Variants in SPHKAP observed in about 807,000 individuals in gnomAD.
The protein encoded by SPHKAP is A-kinase anchor protein SPHKAP.
Under a neutral mutation model 137.5 loss-of-function variants are expected in SPHKAP, and 67 were observed. That is an observed-to-expected ratio of 0.49 (90% CI 0.40 to 0.60). The LOEUF (loss-of-function observed/expected upper bound fraction) is 0.60, where lower values mean the gene tolerates loss of function less well. Among genes scored for constraint, SPHKAP ranks in the 20% least tolerant of loss-of-function variants. The pLI is 0.00. For synonymous variants in SPHKAP, 813 were observed against 785.3 expected (o/e 1.04, Z -0.59); for missense variants, 2,097 against 2,069.3 (o/e 1.01, Z -0.26).
chr2:228,085,508 A>G (rs1036425854), intron 3 of SPHKAP, among the ~76,000 whole-genome samples: 12 of 152,198 alleles, frequency 7.9e-5, no homozygotes, highest in African/African-American at 2.9e-4. Flanking sequence ...GAATGACTCA[A>G]TTTTAGCTAT....
chr2:228,075,066 T>TGGACAG lies in SPHKAP; in HGVS notation c.246+33765_246+33766insCTGTCC, dbSNP rs1574826338. Among the ~76,000 whole-genome samples the TGGACAG allele has an allele frequency of 4.6e-5, 7 of 152,250 alleles. No individual in the cohort carries two copies. The East Asian group carries it at 1.3e-3, about 29-fold the overall frequency. On this transcript the variant is annotated intron_variant, in intron 3 of 11. Coordinates refer to ENST00000392056, the MANE Select transcript of SPHKAP (RefSeq NM_001142644.2). Reference sequence around the variant, plus strand: ...GGTTCTGAAAGGGCAGAGGGTATGTTTAGCTTAGTCACCATGGTAGCTCCA... The same window carrying TGGACAG: ...GGTTCTGAAAGGGCAGAGGGTATGTTGGACAGTAGCTTAGTCACCATGGTAGCTCCA...
intron 2 of SPHKAP, among the ~76,000 whole-genome samples, chr2:228,122,048 CT>C (rs1425814458): frequency 2.0e-5 from 3 of 151,194 alleles, no homozygotes; most frequent in South Asian, 2.1e-4. Flanking sequence ...GTTGGCTAGT[CT>C]TTTTTTTTAA....
intron 3 of SPHKAP, among the ~76,000 whole-genome samples, chr2:228,045,528 C>T (rs1696009311): frequency 2.0e-5 from 3 of 151,706 alleles, no homozygotes. Flanking sequence ...TGTTCTCACT[C>T]ATAGGTGGGA....
Position 228,018,844 on chromosome 2 carries a change from G to A in SPHKAP, c.2010C>T (p.Thr670=), listed in dbSNP as rs780707064. 1.9e-5 allele frequency: 30 copies of A among 1,614,048 alleles called. No homozygotes were observed. In the East Asian group the frequency reaches 6.7e-4, roughly 36 times the overall value. Residue 670 remains threonine, a synonymous_variant, in exon 7 of 12, where the codon ACC becomes ACT. Coordinates refer to ENST00000392056, the MANE Select transcript of SPHKAP (RefSeq NM_001142644.2). ...ENVVRNELAH[T]LSNVILRHSI... ...AATGCCTCAGGATAACATTGGACAG[G>A]GTATGTGCCAGTTCATTCCTGACGA...
Position 227,991,176 on chromosome 2 carries a change from A to T in SPHKAP, c.4783T>A (p.Ser1595Thr). The T allele has an allele frequency of 6.2e-7, 1 of 1,614,070 alleles. No homozygotes were observed. Among genetic ancestry groups the T allele is most frequent in the Non-Finnish European group, 8.5e-7 (1 of 1,180,000 alleles). Reference protein sequence around the residue: ...GQSESTEAPASGPPTGTASPQ... With the variant: ...GQSESTEAPATGPPTGTASPQ... The stretch of plus-strand genomic sequence containing the variant: ...CTGGCTGTTCCCGTAGGCGGTCCAG[A>T]TGCAGGTGCTGAGAACAGACACAAC... Residue 1595 changes from serine (S) to threonine (T), a missense_variant, in exon 11 of 12, where the codon TCT becomes ACT. Coordinates refer to ENST00000392056, the MANE Select transcript of SPHKAP (RefSeq NM_001142644.2).
intron 2 of SPHKAP, chr2:228,131,393 G>T: frequency 1.3e-6 from 1 of 755,860 alleles, no homozygotes; most frequent in Non-Finnish European, 1.6e-6. Context: ...AAGTTTTGGG[G>T]CCTTAGATTT....
chr2:228,030,329 C>T (rs909464916), intron 3 of SPHKAP, among the ~76,000 whole-genome samples: 18 of 151,928 alleles, frequency 1.2e-4, no homozygotes, highest in East Asian at 3.9e-4. Context: ...TCCTGGCCAA[C>T]GTGGTGAAAC....
In SPHKAP at chr2:228,132,046, CG is replaced by C; in HGVS notation, c.71del (p.Pro24ArgfsTer50). ...AGCTGCCACAGCCTCTGCCCTGCTG[CG>C]GTTCCAAAACGTCATACATCCGTGA... Reference protein sequence around the residue: ...ESSRMYDVLEPQQGRGCGSSG... With the variant: ...ESSRMYDVLEXQQGRGCGSSG... On this transcript the variant is annotated frameshift_variant, in exon 2 of 12. Transcript: ENST00000392056. LOFTEE classifies it high-confidence loss of function. 1 of 1,614,038 alleles carries C rather than the reference CG, an allele frequency of 6.2e-7. No homozygotes were observed.
intron 1 of SPHKAP, among the ~76,000 whole-genome samples, chr2:228,179,584 G>A (rs527987210): frequency 5.3e-5 from 8 of 152,178 alleles, no homozygotes; most frequent in South Asian, 2.1e-4. Flanking sequence ...GATTAAGAAG[G>A]CTAATAAAAT....
At chr2:228,071,581 G>T (rs1697006561) in intron 3 of SPHKAP, among the ~76,000 whole-genome samples, 1 of 151,990 alleles carries the variant, frequency 6.6e-6, no homozygotes, top group Admixed American at 6.6e-5. Flanking sequence ...TCTTGTAAAA[G>T]TTGCATTTTC....
At chr2:228,006,069 G>A (rs541096640) in intron 7 of SPHKAP, among the ~76,000 whole-genome samples, 3 of 152,108 alleles carry the variant, frequency 2.0e-5, no homozygotes, top group Non-Finnish European at 4.4e-5. Context: ...TGTATTTCCT[G>A]AATTTGAATG....
At chr2:227,996,097 G>A (rs763374043) in intron 7 of SPHKAP, 70 of 983,138 alleles carry the variant, frequency 7.1e-5, no homozygotes, top group Non-Finnish European at 8.3e-5. Flanking sequence ...ATCACTCCTG[G>A]TTGATTCTAA....
chr2:228,164,419 C>T (rs1156520386), intron 1 of SPHKAP, among the ~76,000 whole-genome samples: 1 of 152,186 alleles, frequency 6.6e-6, no homozygotes, highest in African/African-American at 2.4e-5. Context: ...ATACATATGT[C>T]CTATTAATGC....
At chr2:228,093,630 T>A (rs112693620) in intron 3 of SPHKAP, among the ~76,000 whole-genome samples, 1 of 151,134 alleles carries the variant, frequency 6.6e-6, no homozygotes, top group Non-Finnish European at 1.5e-5. Flanking sequence ...GAGGCTGAGG[T>A]GGGGGGACCA....
intron 1 of SPHKAP, among the ~76,000 whole-genome samples, chr2:228,138,242 T>C (rs1480284367): frequency 6.6e-6 from 1 of 152,234 alleles, no homozygotes; most frequent in Non-Finnish European, 1.5e-5. Context: ...CCCCTCTTAG[T>C]AATTTTCTGT....
chr2:227,993,680 A>C (rs1693509361), intron 8 of SPHKAP, 60 bp from the exon 9 acceptor site: 1 of 1,416,986 alleles, frequency 7.1e-7, no homozygotes, highest in Non-Finnish European at 9.8e-7. Context: ...TGCTGCTGAC[A>C]GTGATGTTCC....
At chr2:228,005,434 C>T (rs1694091343) in intron 7 of SPHKAP, among the ~76,000 whole-genome samples, 1 of 152,038 alleles carries the variant, frequency 6.6e-6, no homozygotes, top group African/African-American at 2.4e-5. Flanking sequence ...TTATTTTGAG[C>T]CTATGTGTCT....
intron 5 of SPHKAP, among the ~76,000 whole-genome samples, chr2:228,022,908 T>G (rs1287102964): frequency 7.9e-5 from 12 of 152,230 alleles, no homozygotes; most frequent in Admixed American, 7.9e-4. Context: ...ACAGTTAGAT[T>G]CTATAATTTG....
chr2:228,031,586 C>T (rs955363449), intron 3 of SPHKAP, among the ~76,000 whole-genome samples: 2 of 152,188 alleles, frequency 1.3e-5, no homozygotes, highest in East Asian at 1.9e-4. Context: ...GGGTCCTTGA[C>T]CCCCGAGCAG....
Sources: allele counts gnomAD v4.1 joint callset (sites outside exome capture counted in the v4.1 genomes callset), GRCh38; gene constraint gnomAD v4.1.1; transcripts MANE v1.5; gene names NCBI Gene and HGNC (gene_info 2026-07-23, HGNC 2026-07-21).